Variants in AHCYL1 observed in about 807,000 individuals in gnomAD.
The protein encoded by AHCYL1 is S-adenosylhomocysteine hydrolase-like protein 1.
Under a neutral mutation model 79.3 loss-of-function variants are expected in AHCYL1, and 20 were observed. That is an observed-to-expected ratio of 0.25 (90% confidence interval 0.18 to 0.37). The LOEUF (loss-of-function observed/expected upper bound fraction) is 0.37. AHCYL1 is among the 10% of genes least tolerant of loss of function. The probability of loss-of-function intolerance (pLI) is 1.00; values close to 1 mark genes in which losing one functional copy is unlikely to be tolerated. For synonymous variants in AHCYL1, 223 were observed against 242.2 expected (o/e 0.92, Z 0.74); for missense variants, 330 against 673.6 (o/e 0.49, Z 5.65).
At chr1:110,001,743 A>C (rs1650324088) in intron 1 of AHCYL1, among the ~76,000 whole-genome samples, 1 of 152,218 alleles carries the variant, frequency 6.6e-6, no homozygotes, top group African/African-American at 2.4e-5. Context: ...AACTTCTCTG[A>C]GTGTACCTTT....
At position 110,018,572 on chromosome 1, in the gene AHCYL1, G is replaced by A. The variant is rs1160762159; in HGVS notation, c.1239G>A (p.Glu413=). The change falls in exon 13 of 17, where the codon GAG becomes GAA. Residue 413 remains glutamate (E), a synonymous_variant. Transcript: ENST00000369799. ...EIDVTSLRTP[E]LTWERVRSQV... ...TTCAGACCAGCCTCCGCACTCCGGA[G>A]CTGACGTGGGAGCGAGTACGTTCTC... 1.9e-6 allele frequency: 3 copies of A among 1,614,074 alleles called. No homozygotes were observed. Among genetic ancestry groups the A allele is most frequent in the Non-Finnish European group, 2.5e-6 (3 of 1,180,002 alleles).
intron 11 of AHCYL1, 36 bp downstream of exon 11, chr1:110,018,052 G>A: frequency 6.2e-7 from 1 of 1,608,012 alleles, no homozygotes; most frequent in East Asian, 2.2e-5. Flanking sequence ...TTATTCAGAG[G>A]CTAAATCTTG....
At chr1:110,016,560 C>A (rs1651432925) in intron 8 of AHCYL1, 100 bp downstream of exon 8, 1 of 1,563,372 alleles carries the variant, frequency 6.4e-7, no homozygotes, top group Non-Finnish European at 8.8e-7. Flanking sequence ...GCTCAACCAG[C>A]TTCCAATTGA....
At chr1:109,996,318 C>T (rs1012686003) in intron 1 of AHCYL1, among the ~76,000 whole-genome samples, 2 of 152,190 alleles carry the variant, frequency 1.3e-5, no homozygotes, top group Admixed American at 6.5e-5. Context: ...AATAGTCTAC[C>T]GTTGCTCTTT....
intron 1 of AHCYL1, among the ~76,000 whole-genome samples, chr1:109,996,546 A>G (rs1347645025): frequency 1.3e-5 from 2 of 152,196 alleles, no homozygotes; most frequent in Admixed American, 6.5e-5. Context: ...ACCCTCTGAG[A>G]GATGTGTACG....
rs114918520 is a variant in AHCYL1, at chr1:109,995,200, C to T, written c.120+10028C>T. Reference sequence around the variant, plus strand: ...CTGTGTTAAGCACCTTATTTCTCTACCTAGTTTATAATTAGGAGGGGATGG... The same window carrying T: ...CTGTGTTAAGCACCTTATTTCTCTATCTAGTTTATAATTAGGAGGGGATGG... On this transcript the variant is annotated intron_variant, in intron 1 of 16. Transcript: ENST00000369799. 7.5e-3 allele frequency among the ~76,000 whole-genome samples: 1,147 copies of T among 152,270 alleles called. 9 individuals carry two copies. Among genetic ancestry groups the T allele is most frequent in the African/African-American group, 0.026 (1,072 of 41,544 alleles).
chr1:110,001,859 AATCTT>A (rs1215105055), intron 1 of AHCYL1, among the ~76,000 whole-genome samples: 1 of 152,202 alleles, frequency 6.6e-6, no homozygotes, highest in Non-Finnish European at 1.5e-5. Flanking sequence ...TAAAATATAA[AATCTT>A]AACCTAATAT....
chr1:110,017,139 AG>A (rs1651470567), intron 9 of AHCYL1, among the ~76,000 whole-genome samples: 2 of 152,218 alleles, frequency 1.3e-5, no homozygotes. Context: ...AATGACCCAA[AG>A]AAGTTCCTGA....
chr1:109,998,349 G>T (rs1265330386), intron 1 of AHCYL1, among the ~76,000 whole-genome samples: 1 of 152,090 alleles, frequency 6.6e-6, no homozygotes, highest in Non-Finnish European at 1.5e-5. Context: ...GGCCAGGTGT[G>T]GTGGCTCTTG....
At chr1:110,006,749 C>G (rs2101719017) in intron 1 of AHCYL1, among the ~76,000 whole-genome samples, 1 of 152,286 alleles carries the variant, frequency 6.6e-6, no homozygotes, top group Non-Finnish European at 1.5e-5. Context: ...TCTCTTCAGG[C>G]TGTAATTTGG....
At chr1:110,018,720 G>C in intron 13 of AHCYL1, 70 bp downstream of exon 13, 1 of 1,340,272 alleles carries the variant, frequency 7.5e-7, no homozygotes, top group Non-Finnish European at 1.1e-6. Context: ...GGGGAGGGGA[G>C]GGAAACAAAT....
At chr1:110,002,294 G>T (rs1314446363) in intron 1 of AHCYL1, among the ~76,000 whole-genome samples, 1 of 152,174 alleles carries the variant, frequency 6.6e-6, no homozygotes, top group African/African-American at 2.4e-5. Context: ...GTTGATTCCA[G>T]GTTTGGAGAA....
At chr1:110,018,795 A>C (rs878926514) in intron 13 of AHCYL1, 145 bp downstream of exon 13, 1 of 865,542 alleles carries the variant, frequency 1.2e-6, no homozygotes, top group Non-Finnish European at 1.8e-6. Context: ...TTGGTCCCCA[A>C]AATAAAACCA....
At chr1:109,997,885 C>G (rs1650106350) in intron 1 of AHCYL1, among the ~76,000 whole-genome samples, 3 of 152,182 alleles carry the variant, frequency 2.0e-5, no homozygotes, top group Non-Finnish European at 1.5e-5. Flanking sequence ...GGGAAACTTT[C>G]CATATGCACA....
In AHCYL1 at chr1:110,017,997, T is replaced by C; in HGVS notation, c.1104T>C (p.Asp368=). The C allele has an allele frequency of 6.2e-7, 1 of 1,614,200 alleles. No individual in the cohort carries two copies. The highest frequency in any genetic ancestry group is 8.5e-7 in the Non-Finnish European group (1 of 1,180,016). The part of the protein sequence containing the change: ...VKLNEVIRQV[D]VVITCTGNKN... ...TAAATGAAGTCATCCGGCAAGTCGA[T>C]GTCGTAATAACTTGCACAGGTAAAT... Residue 368 remains aspartate (D), a synonymous_variant, in exon 11 of 17, where the codon GAT becomes GAC. Transcript: ENST00000369799.
rs576618569 is a variant in AHCYL1, at chr1:110,012,872, C to T, written c.478-25C>T. The T allele has an allele frequency of 4.4e-6, 7 of 1,587,998 alleles. No homozygotes were observed. In the Admixed American group the frequency reaches 5.3e-5, roughly 12 times the overall value. ...CCTGGGTGGCCCTTCTCTTCCTCACCCTGTCTTCCTACACTTCTACACAGG... is the reference window on the plus strand; with the variant it reads ...CCTGGGTGGCCCTTCTCTTCCTCACTCTGTCTTCCTACACTTCTACACAGG... On this transcript the variant is annotated intron_variant, in intron 4 of 16. Coordinates refer to ENST00000369799, the MANE Select transcript of AHCYL1 (RefSeq NM_006621.7).
intron 7 of AHCYL1, among the ~76,000 whole-genome samples, 179 bp downstream of exon 7, chr1:110,015,710 G>C (rs907762110): frequency 6.6e-6 from 1 of 152,108 alleles, no homozygotes; most frequent in Non-Finnish European, 1.5e-5. Context: ...GTTATTTCAG[G>C]TTCTAGTTCA....
intron 1 of AHCYL1, among the ~76,000 whole-genome samples, chr1:109,987,488 T>C (rs920765376): frequency 2.0e-5 from 3 of 152,222 alleles, no homozygotes; most frequent in African/African-American, 7.2e-5. Flanking sequence ...CCCTCAGGAA[T>C]TGAGGATGTT....
At chr1:110,004,030 T>G in intron 1 of AHCYL1, 1 of 985,470 alleles carries the variant, frequency 1.0e-6, no homozygotes, top group Non-Finnish European at 1.2e-6. Context: ...GTTCCTTACC[T>G]TTTAAGTGAC....
Sources: allele counts gnomAD v4.1 joint callset (sites outside exome capture counted in the v4.1 genomes callset), GRCh38; gene constraint gnomAD v4.1.1; transcripts MANE v1.5; gene names NCBI Gene and HGNC (gene_info 2026-07-23, HGNC 2026-07-21).